CSMD1: variants seen among roughly 807,000 people sequenced by gnomAD.
CSMD1 encodes the protein CUB and sushi domain-containing protein 1.
Under a neutral mutation model 417.5 loss-of-function variants are expected in CSMD1, and 213 were observed. The observed-to-expected ratio is 0.51, with a 90% CI of 0.46 to 0.57. The LOEUF is 0.57. Among genes scored for constraint, CSMD1 ranks in the 20% least tolerant of loss-of-function variants. The probability of loss-of-function intolerance (pLI) is 0.00; values close to 1 mark genes in which losing one functional copy is unlikely to be tolerated. For synonymous variants in CSMD1, 2,862 were observed against 1,736.8 expected, an observed-to-expected ratio of 1.65 and a Z score of -16.11; for missense variants, 6,923 against 4,529.7, an observed-to-expected ratio of 1.53 and a Z score of -15.17.
At chr8:3,731,735 G>C (rs957896681) in intron 6 of CSMD1, among the ~76,000 whole-genome samples, 10 of 152,180 alleles carry the variant, frequency 6.6e-5, no homozygotes, top group African/African-American at 2.2e-4. Context: ...TTTACAGGTA[G>C]AGAGACTAAG....
At chr8:4,154,108 A>C (rs1796706870) in intron 3 of CSMD1, among the ~76,000 whole-genome samples, 1 of 152,218 alleles carries the variant, frequency 6.6e-6, no homozygotes, top group Admixed American at 6.5e-5. Context: ...AAGAGTCAGG[A>C]GTCTGGCTTC....
At chr8:3,274,846 G>T (rs905924280) in intron 26 of CSMD1, among the ~76,000 whole-genome samples, 34 of 152,140 alleles carry the variant, frequency 2.2e-4, no homozygotes, top group African/African-American at 8.2e-4. Context: ...TGTGTTTCCT[G>T]AATAGTGCAC....
At chr8:3,884,944 T>TATATATAC (rs1247548041) in intron 5 of CSMD1, among the ~76,000 whole-genome samples, 1 of 148,702 alleles carries the variant, frequency 6.7e-6, no homozygotes, top group East Asian at 1.9e-4. Context: ...TATATATATA[T>TATATATAC]ACACACACAC....
chr8:3,188,560 G>C (rs62502932), intron 35 of CSMD1, among the ~76,000 whole-genome samples: 44,101 of 151,598 alleles, frequency 0.29, 7,059 homozygotes, highest in Non-Finnish European at 0.38. Flanking sequence ...TCCTGTCTTG[G>C]CTTCCCAAAG....
intron 46 of CSMD1, among the ~76,000 whole-genome samples, chr8:3,100,942 AG>A (rs2129012505): frequency 2.0e-5 from 3 of 152,236 alleles, no homozygotes; most frequent in African/African-American, 7.2e-5. Flanking sequence ...CACATATAGA[AG>A]GAAGCTGGAG....
chr8:3,407,645 A>T (rs1812438414), intron 14 of CSMD1, among the ~76,000 whole-genome samples: 1 of 152,112 alleles, frequency 6.6e-6, no homozygotes, highest in African/African-American at 2.4e-5. Flanking sequence ...AGAGAAAGAG[A>T]TGTAAGGAGA....
intron 1 of CSMD1, among the ~76,000 whole-genome samples, chr8:4,680,705 G>A (rs948656268): frequency 5.3e-5 from 8 of 152,084 alleles, no homozygotes; most frequent in East Asian, 1.9e-4. Flanking sequence ...TCAGCCTCCC[G>A]AGTAGCTGGG....
chr8:4,242,204 T>C lies in CSMD1; in HGVS notation c.415+177749A>G, dbSNP rs556168634. 2.6e-4 allele frequency among the ~76,000 whole-genome samples: 39 copies of C among 152,284 alleles called. No homozygotes were observed. In the South Asian group the frequency reaches 3.1e-3, roughly 12 times the overall value. On this transcript the variant is annotated intron_variant, in intron 3 of 69. Transcript: ENST00000635120. ...ATATTAAAAACTTTAAATAAAAGAA[T>C]TGTGATTTTTGATGGAAATTAGATA...
rs75091710 is a variant in CSMD1 at position 3,041,249 on chromosome 8, G to C, written c.7660+11213C>G. Among the ~76,000 whole-genome samples the C allele has an allele frequency of 5.0e-3, 764 of 152,200 alleles. 3 individuals are homozygous for C. The highest frequency in any genetic ancestry group is 0.017 in the Middle Eastern group (5 of 294). ...CAAATATTATTTTAACAGTTAAATA[G>C]ATATGTACTACAGAGCAAAAATATA... is the stretch of plus-strand genomic sequence containing the variant. On this transcript the variant is annotated intron_variant, in intron 50 of 69. Coordinates refer to ENST00000635120, the MANE Select transcript of CSMD1 (RefSeq NM_033225.6).
chr8:3,744,894 T>G (rs1796992046), intron 6 of CSMD1, among the ~76,000 whole-genome samples: 1 of 152,200 alleles, frequency 6.6e-6, no homozygotes, highest in Admixed American at 6.5e-5. Context: ...TCAAACATGC[T>G]GAGCGCTTTA....
chr8:4,569,964 C>G (rs993916131), intron 2 of CSMD1, among the ~76,000 whole-genome samples: 79 of 152,278 alleles, frequency 5.2e-4, no homozygotes, highest in African/African-American at 1.9e-3. Context: ...TATAGGAATG[C>G]TTGTGATTTT....
intron 3 of CSMD1, among the ~76,000 whole-genome samples, chr8:4,308,312 TG>T (rs1798362311): frequency 6.6e-6 from 1 of 151,870 alleles, no homozygotes; most frequent in Non-Finnish European, 1.5e-5. Context: ...AGTGTATGTG[TG>T]GGGTGGTGTA....
intron 37 of CSMD1, among the ~76,000 whole-genome samples, chr8:3,175,162 T>A (rs1425005304): frequency 6.6e-6 from 1 of 152,210 alleles, no homozygotes; most frequent in Non-Finnish European, 1.5e-5. Context: ...TAAAATCATT[T>A]GACTAAAGAA....
chr8:4,292,700 AT>A (rs1337647187), intron 3 of CSMD1, among the ~76,000 whole-genome samples: 1 of 152,110 alleles, frequency 6.6e-6, no homozygotes, highest in Non-Finnish European at 1.5e-5. Context: ...GATTCAGTTT[AT>A]TTTTTCTATG....
At chr8:3,121,755 T>C (rs548974542) in intron 41 of CSMD1, among the ~76,000 whole-genome samples, 27 of 152,156 alleles carry the variant, frequency 1.8e-4, no homozygotes, top group Admixed American at 2.0e-4. Context: ...GCTATGATCA[T>C]ACCACTGCAC....
chr8:4,419,863 G>C (rs1424540199), intron 3 of CSMD1, 90 bp downstream of exon 3: 1 of 896,534 alleles, frequency 1.1e-6, no homozygotes, highest in Non-Finnish European at 1.8e-6. Context: ...CTGCGACATA[G>C]CAGCCTAGTT....
rs143010808 is a variant in CSMD1 at position 3,648,729 on chromosome 8, A to T, written c.1010-31932T>A. 4.6e-5 allele frequency among the ~76,000 whole-genome samples: 7 copies of T among 152,334 alleles called. No individual in the cohort carries two copies. In the East Asian group the frequency reaches 1.4e-3, roughly 29 times the overall value. On this transcript the variant is annotated intron_variant, in intron 7 of 69. Coordinates refer to ENST00000635120, the MANE Select transcript of CSMD1 (RefSeq NM_033225.6). ...GTGCCTGATCATTTACAGAAGTTAC[A>T]TGGCTCATGTCTGTGCACCTGAGAC...
At chr8:4,907,102 G>C (rs1334190966) in intron 1 of CSMD1, among the ~76,000 whole-genome samples, 1 of 152,222 alleles carries the variant, frequency 6.6e-6, no homozygotes, top group Non-Finnish European at 1.5e-5. Context: ...CCACAGTTAA[G>C]ATAATTGCTG....
intron 3 of CSMD1, among the ~76,000 whole-genome samples, chr8:4,317,571 G>A (rs561352194): frequency 6.6e-6 from 1 of 151,770 alleles, no homozygotes; most frequent in African/African-American, 2.4e-5. Flanking sequence ...TCCAAGTTAA[G>A]TGTCAGTACT....
Sources: allele counts gnomAD v4.1 joint callset (sites outside exome capture counted in the v4.1 genomes callset), GRCh38; gene constraint gnomAD v4.1.1; transcripts MANE v1.5; gene names NCBI Gene and HGNC (gene_info 2026-07-23, HGNC 2026-07-21).